WWOX: variants seen among roughly 807,000 people sequenced by gnomAD.
WWOX encodes the protein WW domain containing oxidoreductase.
Under a neutral mutation model 46.2 loss-of-function variants are expected in WWOX, and 69 were observed. The ratio of observed to expected loss-of-function variants is 1.49; its 90% confidence interval spans 1.23 to 1.82. The LOEUF (loss-of-function observed/expected upper bound fraction) is 1.82. Ranked by LOEUF, WWOX falls within the 40% of genes most tolerant of loss-of-function variation. WWOX has a pLI of 0.00. For missense variants in WWOX, 919 were observed against 542.6 expected (o/e 1.69, Z -6.89); for synonymous variants, 359 against 202.6 (o/e 1.77, Z -6.56).
chr16:78,703,806 C>G (rs2048276543), intron 8 of WWOX, among the ~76,000 whole-genome samples: 1 of 152,080 alleles, frequency 6.6e-6, no homozygotes, highest in Non-Finnish European at 1.5e-5. Context: ...TTTTTATGCT[C>G]TGAGTTGCTG....
intron 5 of WWOX, among the ~76,000 whole-genome samples, chr16:78,215,785 G>A (rs1022235540): frequency 6.6e-6 from 1 of 152,024 alleles, no homozygotes; most frequent in Non-Finnish European, 1.5e-5. Flanking sequence ...AAACAGCCGG[G>A]TATGGTGGTG....
chr16:79,084,098 G>T (rs1344191879), intron 8 of WWOX, among the ~76,000 whole-genome samples: 1 of 152,152 alleles, frequency 6.6e-6, no homozygotes, highest in Admixed American at 6.6e-5. Flanking sequence ...GAGTGGCTGA[G>T]AAACCAGGGA....
chr16:78,608,213 C>T (rs1053736455), intron 8 of WWOX, among the ~76,000 whole-genome samples: 1 of 152,050 alleles, frequency 6.6e-6, no homozygotes, highest in African/African-American at 2.4e-5. Context: ...ATGCATGAGA[C>T]AGAACAAAGA....
intron 8 of WWOX, among the ~76,000 whole-genome samples, chr16:78,744,662 C>T (rs2049306884): frequency 6.6e-6 from 1 of 151,954 alleles, no homozygotes; most frequent in African/African-American, 2.4e-5. Context: ...GAATTCTTGA[C>T]CTTAAGTGAT....
Position 78,716,727 on chromosome 16 carries a change from G to C in WWOX, c.1056+283975G>C, listed in dbSNP as rs144408863. ...CCAGAGAGATTTTCTTAGAGGTGTG[G>C]AACAGAAAAAAAAGCGTCTCTATTC... is the stretch of plus-strand genomic sequence containing the variant. On this transcript the variant is annotated intron_variant, in intron 8 of 8. Transcript: ENST00000566780. 5.9e-5 allele frequency among the ~76,000 whole-genome samples: 9 copies of C among 151,464 alleles called. No homozygotes were observed. In the East Asian group the frequency reaches 1.8e-3, roughly 30 times the overall value.
chr16:78,701,167 G>T (rs2048208011), intron 8 of WWOX, among the ~76,000 whole-genome samples: 1 of 152,098 alleles, frequency 6.6e-6, no homozygotes, highest in South Asian at 2.1e-4. Context: ...CTTATAACAG[G>T]ACCTGGCATG....
Position 78,338,782 on chromosome 16 carries a change from TTA to T in WWOX, c.517-48076_517-48075del, listed in dbSNP as rs1437808160. 2.5e-4 allele frequency among the ~76,000 whole-genome samples: 30 copies of T among 121,724 alleles called. 9 individuals carry two copies. The highest frequency in any genetic ancestry group is 5.3e-4 in the Non-Finnish European group (27 of 50,840). 79.9% of individuals were successfully genotyped at this position (121,724 alleles called of 152,430 possible). A position where few individuals can be genotyped will look rare whatever the true frequency, so the allele number is the denominator to read the frequency against. On this transcript the variant is annotated intron_variant, in intron 5 of 8. Coordinates refer to ENST00000566780, the MANE Select transcript of WWOX (RefSeq NM_016373.4). ...CTTTTTCTGTTTTCTTCTTCCATTT[TTA>T]TGTTTTGCTATGCCATTCATTCATT... is the stretch of plus-strand genomic sequence containing the variant.
chr16:78,398,248 G>A (rs1034513338), intron 6 of WWOX, among the ~76,000 whole-genome samples: 5 of 152,114 alleles, frequency 3.3e-5, no homozygotes, highest in Admixed American at 3.3e-4. Flanking sequence ...GCCCACCCAG[G>A]CCTCTGGGAT....
chr16:78,820,671 C>G (rs2051469452), intron 8 of WWOX, among the ~76,000 whole-genome samples: 1 of 152,120 alleles, frequency 6.6e-6, no homozygotes, highest in Admixed American at 6.5e-5. Context: ...CCAACCATGC[C>G]ACGTGTATGT....
intron 8 of WWOX, among the ~76,000 whole-genome samples, chr16:79,158,444 G>A (rs1278782615): frequency 3.9e-5 from 6 of 152,160 alleles, no homozygotes; most frequent in Non-Finnish European, 8.8e-5. Context: ...TCACCCAGCG[G>A]ATGGCGTTTA....
In WWOX at chr16:78,725,324, TTTTTC is replaced by T. The variant is rs1159824105; in HGVS notation, c.1056+292592_1056+292596del. Among the ~76,000 whole-genome samples the T allele has an allele frequency of 4.4e-3, 545 of 125,264 alleles. 2 individuals carry two copies. The highest frequency in any genetic ancestry group is 0.016 in the Middle Eastern group (3 of 190). The allele number at this position is 125,264 out of a possible 152,430, so 82.2% of individuals were successfully genotyped here. ...TCTCAGGTATGTCTTTTTTTTTCCT[TTTTTC>T]TTTTCTTTTCTTTTCTTTTTTTTTT... On this transcript the variant is annotated intron_variant, in intron 8 of 8. Coordinates refer to ENST00000566780, the MANE Select transcript of WWOX (RefSeq NM_016373.4).
At chr16:78,748,842 T>C (rs976450212) in intron 8 of WWOX, among the ~76,000 whole-genome samples, 77 of 152,242 alleles carry the variant, frequency 5.1e-4, no homozygotes, top group African/African-American at 1.8e-3. Context: ...TAAAGCCATA[T>C]ATCTTAAGTA....
At chr16:78,550,778 G>A (rs923248425) in intron 8 of WWOX, 1 of 152,108 alleles carries the variant, frequency 6.6e-6, no homozygotes, top group African/African-American at 2.4e-5. Context: ...TTCCATCCTT[G>A]AATAACTTGG....
In WWOX at chr16:78,465,195, G is replaced by A. The variant is rs144277714; in HGVS notation, c.1056+32443G>A. Among the ~76,000 whole-genome samples the A allele has an allele frequency of 2.2e-4, 33 of 152,324 alleles. No individual in the cohort carries two copies. In the East Asian group the frequency reaches 5.2e-3, roughly 24 times the overall value. Reference sequence around the variant, plus strand: ...CAGTTCAAGATGAGATTTGGGTGGGGACACAGACAAATTGTATCATAGAAT... The same window carrying A: ...CAGTTCAAGATGAGATTTGGGTGGGAACACAGACAAATTGTATCATAGAAT... On this transcript the variant is annotated intron_variant, in intron 8 of 8. Coordinates refer to ENST00000566780, the MANE Select transcript of WWOX (RefSeq NM_016373.4).
At chr16:78,493,757 C>T (rs917373521) in intron 8 of WWOX, among the ~76,000 whole-genome samples, 15 of 152,234 alleles carry the variant, frequency 9.9e-5, no homozygotes, top group Middle Eastern at 3.4e-3. Flanking sequence ...AAAACTGAGG[C>T]ATACAGAAGA....
intron 8 of WWOX, among the ~76,000 whole-genome samples, chr16:78,849,400 T>C (rs1274778560): frequency 6.6e-6 from 1 of 151,372 alleles, no homozygotes; most frequent in South Asian, 2.1e-4. Flanking sequence ...TGAAACCCCA[T>C]CTCTATTAAA....
chr16:78,676,414 T>G (rs1384229607), intron 8 of WWOX, among the ~76,000 whole-genome samples: 1 of 151,826 alleles, frequency 6.6e-6, no homozygotes, highest in Non-Finnish European at 1.5e-5. Flanking sequence ...TTTTTTTTTT[T>G]TTTTTTAACT....
chr16:78,931,130 C>A (rs764131335), intron 8 of WWOX, among the ~76,000 whole-genome samples: 1 of 152,122 alleles, frequency 6.6e-6, no homozygotes, highest in Non-Finnish European at 1.5e-5. Flanking sequence ...AATAAAAGGT[C>A]CTATCATTGT....
chr16:78,415,310 G>A (rs79052582), intron 6 of WWOX, among the ~76,000 whole-genome samples: 1,738 of 152,100 alleles, frequency 0.011, 29 homozygotes, highest in African/African-American at 0.039. Flanking sequence ...TCATATTAGG[G>A]TATAATGAGT....
Sources: gnomAD v4.1 joint callset for allele counts (sites outside exome capture counted in the v4.1 genomes callset) on GRCh38, gnomAD v4.1.1 for gene constraint, MANE v1.5 for transcripts, NCBI Gene and HGNC (gene_info 2026-07-23, HGNC 2026-07-21) for gene names.